ABRAXAS2: variants seen among roughly 807,000 people sequenced by gnomAD.
The protein encoded by ABRAXAS2 is BRISC complex subunit Abraxas 2.
ABRAXAS2 carries 23 observed loss-of-function variants against 49.0 expected under a neutral mutation model. The ratio of observed to expected loss-of-function variants is 0.47; its 90% CI spans 0.34 to 0.66. The LOEUF (loss-of-function observed/expected upper bound fraction) is 0.66, where lower values mean the gene tolerates loss of function less well. ABRAXAS2 is among the 30% of genes least tolerant of loss of function. ABRAXAS2 has a pLI of 0.01. For synonymous variants in ABRAXAS2, 168 were observed against 180.2 expected (o/e 0.93, Z 0.54); for missense variants, 443 against 511.9 (o/e 0.87, Z 1.30).
At chr10:124,821,314 C>T (rs181958109) in intron 4 of ABRAXAS2, among the ~76,000 whole-genome samples, 1 of 152,094 alleles carries the variant, frequency 6.6e-6, no homozygotes, top group East Asian at 1.9e-4. Flanking sequence ...TGCCTGTAAT[C>T]CCAGCACTTG....
chr10:124,831,389 A>C lies in ABRAXAS2; in HGVS notation c.704A>C (p.Glu235Ala). The C allele has an allele frequency of 6.2e-7, 1 of 1,613,472 alleles. No individual in the cohort carries two copies. The highest frequency in any genetic ancestry group is 8.5e-7 in the Non-Finnish European group (1 of 1,179,558). Residue 235 changes from glutamate to alanine, a missense_variant, in exon 8 of 9, where the codon GAA becomes GCA. By Grantham distance (107) the Glu-to-Ala change is moderately radical. This residue lies in a region of ABRAXAS2 where 230 missense variants were observed against 237.0 expected (regional missense o/e 0.97). Transcript: ENST00000298492. ...ADVEKSERVV[E>A]SCQAEVNKLR... ...GTTGAAAAGAGTGAGCGAGTTGTTG[A>C]ATCTTGTCAGGCAGAAGTGAACAAA... is the stretch of plus-strand genomic sequence containing the variant.
Position 124,810,539 on chromosome 10 carries a change from C to T in ABRAXAS2, c.163+3618C>T, listed in dbSNP as rs551646163. ...AGATCTCATCTTAAAAGAAAAAAGA[C>T]TTGCGATGTGTAAGACGGTATAGTT... On this transcript the variant is annotated intron_variant, in intron 2 of 8. Transcript: ENST00000298492. 2.0e-5 allele frequency among the ~76,000 whole-genome samples: 3 copies of T among 151,950 alleles called. No individual in the cohort carries two copies. The South Asian group carries it at 6.2e-4, about 32-fold the overall frequency.
chr10:124,811,576 AAG>A (rs1225078112), intron 2 of ABRAXAS2, among the ~76,000 whole-genome samples: 4 of 151,852 alleles, frequency 2.6e-5, no homozygotes, highest in Non-Finnish European at 5.9e-5. Flanking sequence ...TCTCTACTAA[AAG>A]ATATAAAAAA....
chr10:124,826,468 T>C, intron 4 of ABRAXAS2, 127 bp from the exon 5 acceptor site: 1 of 816,204 alleles, frequency 1.2e-6, no homozygotes, highest in Non-Finnish European at 1.9e-6. Context: ...CATGGACGCT[T>C]GGGTTGTTCC....
chr10:124,802,555 G>C (rs1950713337), intron 1 of ABRAXAS2, among the ~76,000 whole-genome samples: 1 of 152,164 alleles, frequency 6.6e-6, no homozygotes. Flanking sequence ...GCCCACTACT[G>C]AGTGATGGGA....
At chr10:124,808,610 G>A (rs762036872) in intron 2 of ABRAXAS2, among the ~76,000 whole-genome samples, 8 of 152,166 alleles carry the variant, frequency 5.3e-5, no homozygotes, top group East Asian at 1.9e-4. Context: ...CAGACAGTGC[G>A]AGAAGAATTC....
chr10:124,809,166 A>G (rs1241591769), intron 2 of ABRAXAS2, among the ~76,000 whole-genome samples: 1 of 152,186 alleles, frequency 6.6e-6, no homozygotes, highest in African/African-American at 2.4e-5. Context: ...AAAGAAAAGA[A>G]AAATGAAGAA....
chr10:124,827,483 C>T (rs1564924436), intron 5 of ABRAXAS2, among the ~76,000 whole-genome samples: 3 of 151,882 alleles, frequency 2.0e-5, no homozygotes, highest in Non-Finnish European at 4.4e-5. Context: ...TTTGTGGTTA[C>T]GGAAGGTATT....
chr10:124,834,611 TG>T lies in ABRAXAS2; in HGVS notation c.890del (p.Gly297GlufsTer24). ...TTGCAGCTGAAGGCAGAAGTACACT[TG>T]GAGATGCAGAGGCCTCGGATCCTCC... ...GFAAEGRSTL[G>X]DAEASDPPPP... On this transcript the variant is annotated frameshift_variant, in exon 9 of 9. Transcript: ENST00000298492. LOFTEE classifies it high-confidence loss of function. The T allele has an allele frequency of 6.2e-7, 1 of 1,614,216 alleles. No individual in the cohort carries two copies. The highest frequency in any genetic ancestry group is 8.5e-7 in the Non-Finnish European group (1 of 1,180,046).
intron 2 of ABRAXAS2, among the ~76,000 whole-genome samples, chr10:124,808,886 T>C (rs1950765265): frequency 6.6e-6 from 1 of 152,128 alleles, no homozygotes; most frequent in African/African-American, 2.4e-5. Context: ...ATCCCAGCAC[T>C]TTGGGAGGCC....
rs1484961448 is a variant in ABRAXAS2 at position 124,834,584 on chromosome 10, GT to G, written c.864del (p.Phe288LeufsTer33). ...AFSPRMPSSGFAAEGRSTLGD... is the reference protein window; with the variant it reads ...AFSPRMPSSGXAAEGRSTLGD... ...TCAGTCCTCGGATGCCGTCCTCTGG[GT>G]TTGCAGCTGAAGGCAGAAGTACACT... On this transcript the variant is annotated frameshift_variant, in exon 9 of 9. Transcript: ENST00000298492. LOFTEE classifies it high-confidence loss of function. 6.2e-7 allele frequency: 1 copy of G among 1,614,166 alleles called. No homozygotes were observed. Among genetic ancestry groups the G allele is most frequent in the Admixed American group, 1.7e-5 (1 of 60,020 alleles).
intron 4 of ABRAXAS2, among the ~76,000 whole-genome samples, chr10:124,826,190 A>G (rs982749670): frequency 2.0e-5 from 3 of 152,136 alleles, no homozygotes; most frequent in Admixed American, 2.0e-4. Flanking sequence ...CATCTCCTTC[A>G]CCTACAAAAG....
chr10:124,809,046 G>T (rs889417330), intron 2 of ABRAXAS2, among the ~76,000 whole-genome samples: 1 of 152,006 alleles, frequency 6.6e-6, no homozygotes, highest in African/African-American at 2.4e-5. Flanking sequence ...CAGGAGAATC[G>T]CTTGAACCTG....
intron 2 of ABRAXAS2, among the ~76,000 whole-genome samples, chr10:124,814,688 C>T (rs948112590): frequency 1.4e-4 from 21 of 151,130 alleles, no homozygotes; most frequent in African/African-American, 4.6e-4. Flanking sequence ...CTTGCTCTGT[C>T]ATTCAGGCTG....
In ABRAXAS2 at chr10:124,834,772, A is replaced by T. The variant is rs1950959153; in HGVS notation, c.1049A>T (p.Lys350Met). 1 of 1,614,154 alleles carries T rather than the reference A, an allele frequency of 6.2e-7. No homozygotes were observed. Among genetic ancestry groups the T allele is most frequent in the Non-Finnish European group, 8.5e-7 (1 of 1,180,030 alleles). ...TATGCTTCCACCAGTGCCGGACTGAAGTATCCTGGAAGTGGGGCTGACCTT... is the reference window on the plus strand; with the variant it reads ...TATGCTTCCACCAGTGCCGGACTGATGTATCCTGGAAGTGGGGCTGACCTT... ...SNYASTSAGL[K>M]YPGSGADLPP... The change falls in exon 9 of 9, where the codon AAG (lysine) becomes ATG (methionine). Residue 350 changes from lysine to methionine, a missense_variant. Physicochemically the swap from Lys to Met is moderately conservative, Grantham distance 95. Transcript: ENST00000298492.
Position 124,834,512 on chromosome 10 carries a change from G to A in ABRAXAS2, c.789G>A (p.Gln263=). ...NEKEQERRLQ[Q]AVLSRQMPSE... The stretch of plus-strand genomic sequence containing the variant: ...TTTGTTTTCATCCAGGATTGCAGCA[G>A]GCAGTGTTAAGCAGACAGATGCCGT... Residue 263 remains glutamine (Q), a synonymous_variant, in exon 9 of 9, where the codon CAG becomes CAA. Coordinates refer to ENST00000298492, the MANE Select transcript of ABRAXAS2 (RefSeq NM_032182.4). 6.2e-7 allele frequency: 1 copy of A among 1,612,220 alleles called. No individual in the cohort carries two copies. Among genetic ancestry groups the A allele is most frequent in the Non-Finnish European group, 8.5e-7 (1 of 1,178,624 alleles).
intron 2 of ABRAXAS2, among the ~76,000 whole-genome samples, chr10:124,813,219 T>C (rs143928344): frequency 6.6e-6 from 1 of 152,232 alleles, no homozygotes; most frequent in Non-Finnish European, 1.5e-5. Context: ...CAAAAAAGAA[T>C]ATCACATTTT....
At chr10:124,811,190 C>T (rs759365805) in intron 2 of ABRAXAS2, among the ~76,000 whole-genome samples, 4 of 151,694 alleles carry the variant, frequency 2.6e-5, no homozygotes, top group Non-Finnish European at 4.4e-5. Context: ...CCAGCCTGGG[C>T]GACAGAGCAA....
intron 1 of ABRAXAS2, among the ~76,000 whole-genome samples, chr10:124,804,625 C>T (rs1455632598): frequency 6.7e-6 from 1 of 149,850 alleles, no homozygotes; most frequent in African/African-American, 2.5e-5. Flanking sequence ...CTGATTTAGG[C>T]AGTGTTTCTC....
Sources: gnomAD v4.1 joint callset for allele counts (sites outside exome capture counted in the v4.1 genomes callset) on GRCh38, gnomAD v4.1.1 for gene constraint, gnomAD v4.1.1 regional missense constraint, MANE v1.5 for transcripts, NCBI Gene and HGNC (gene_info 2026-07-23, HGNC 2026-07-21) for gene names.